ARMH4: variants seen among roughly 807,000 people sequenced by gnomAD.
ARMH4 encodes armadillo like helical domain containing 4.
ARMH4 carries 49 observed loss-of-function variants against 61.9 expected under a neutral mutation model. That is an observed-to-expected ratio of 0.79 (90% confidence interval 0.63 to 1.00). The LOEUF is 1.00. Among genes scored for constraint, ARMH4 ranks in the 50% least tolerant of loss-of-function variants. The pLI is 0.00. For missense variants in ARMH4, 934 were observed against 930.0 expected, an observed-to-expected ratio of 1.00 and a Z score of -0.06; for synonymous variants, 368 against 341.5, an observed-to-expected ratio of 1.08 and a Z score of -0.85.
chr14:58,122,022 G>GTATTAAGTATTTATACATCTCCA (rs1255979870), intron 4 of ARMH4, among the ~76,000 whole-genome samples: 11 of 152,188 alleles, frequency 7.2e-5, no homozygotes, highest in Non-Finnish European at 1.6e-4. Context: ...CATCTCCACT[G>GTATTAAGTATTTATACATCTCCA]TGTATCAGTT....
chr14:58,081,386 G>A (rs891648452), intron 5 of ARMH4, among the ~76,000 whole-genome samples: 4 of 152,220 alleles, frequency 2.6e-5, no homozygotes, highest in Non-Finnish European at 4.4e-5. Flanking sequence ...GATTGTGCTC[G>A]CTTGTACAAA....
intron 6 of ARMH4, among the ~76,000 whole-genome samples, chr14:58,011,237 T>C (rs1882395507): frequency 6.6e-6 from 1 of 152,166 alleles, no homozygotes; most frequent in African/African-American, 2.4e-5. Context: ...ATTAATACAA[T>C]TATATAAATT....
intron 5 of ARMH4, among the ~76,000 whole-genome samples, chr14:58,071,582 T>G (rs1884883714): frequency 6.6e-6 from 1 of 152,200 alleles, no homozygotes; most frequent in Non-Finnish European, 1.5e-5. Flanking sequence ...GAAGCTTTTT[T>G]TTTTAACTCA....
chr14:58,060,739 T>C (rs1884501759), intron 5 of ARMH4, among the ~76,000 whole-genome samples: 1 of 152,172 alleles, frequency 6.6e-6, no homozygotes, highest in South Asian at 2.1e-4. Flanking sequence ...TCAGAAGCAA[T>C]GAAAACCAGG....
chr14:58,132,529 G>C (rs1299092948), intron 3 of ARMH4, among the ~76,000 whole-genome samples: 1 of 150,670 alleles, frequency 6.6e-6, no homozygotes, highest in East Asian at 1.9e-4. Flanking sequence ...GGCCTTTGAG[G>C]ACCCAGAGGT....
intron 4 of ARMH4, among the ~76,000 whole-genome samples, chr14:58,114,631 G>C (rs1433456058): frequency 1.3e-5 from 2 of 152,170 alleles, no homozygotes; most frequent in African/African-American, 4.8e-5. Flanking sequence ...CGAGCTGAGT[G>C]AGAGTTTTTA....
chr14:58,132,923 A>G (rs1371641189), intron 3 of ARMH4, among the ~76,000 whole-genome samples, 167 bp downstream of exon 3: 1 of 152,006 alleles, frequency 6.6e-6, no homozygotes, highest in African/African-American at 2.4e-5. Flanking sequence ...ACCTCTTCAA[A>G]CAGGACAGAG....
At chr14:58,116,685 CAAAT>C (rs767474668) in intron 4 of ARMH4, among the ~76,000 whole-genome samples, 2 of 152,108 alleles carry the variant, frequency 1.3e-5, no homozygotes, top group East Asian at 1.9e-4. Flanking sequence ...CAACAATAAA[CAAAT>C]AAATAAATAA....
At chr14:58,090,888 A>T (rs1470654991) in intron 5 of ARMH4, among the ~76,000 whole-genome samples, 1 of 150,206 alleles carries the variant, frequency 6.7e-6, no homozygotes, top group Non-Finnish European at 1.5e-5. Context: ...TCAAAAAAAA[A>T]AAAAAAAGAA....
At chr14:58,137,384 TG>T (rs1887338748) in intron 2 of ARMH4, among the ~76,000 whole-genome samples, 1 of 152,110 alleles carries the variant, frequency 6.6e-6, no homozygotes, top group Admixed American at 6.5e-5. Flanking sequence ...GATTTAAATT[TG>T]GGTGTAATTT....
chr14:58,055,395 A>T (rs1178298116), intron 5 of ARMH4, among the ~76,000 whole-genome samples: 1 of 152,210 alleles, frequency 6.6e-6, no homozygotes, highest in Non-Finnish European at 1.5e-5. Flanking sequence ...GGAGTACACG[A>T]AAGTGTGCTA....
intron 3 of ARMH4, among the ~76,000 whole-genome samples, chr14:58,132,461 T>TCC (rs58728535): frequency 0.012 from 1,816 of 151,342 alleles, 43 homozygotes; most frequent in African/African-American, 0.04. Flanking sequence ...TTTCACCTCA[T>TCC]CCCCCCCGGC....
chr14:58,018,922 G>A (rs1255348250), intron 5 of ARMH4, among the ~76,000 whole-genome samples: 1 of 152,084 alleles, frequency 6.6e-6, no homozygotes, highest in Non-Finnish European at 1.5e-5. Flanking sequence ...TAAACACAGT[G>A]GAATATTATT....
At chr14:58,080,134 A>T (rs55957925) in intron 5 of ARMH4, among the ~76,000 whole-genome samples, 11,485 of 148,942 alleles carry the variant, frequency 0.077, 514 homozygotes, top group Middle Eastern at 0.15. Context: ...TATATATATA[A>T]AATTTTTTTT....
At chr14:58,133,703 A>G (rs1428476020) in intron 2 of ARMH4, among the ~76,000 whole-genome samples, 3 of 152,256 alleles carry the variant, frequency 2.0e-5, no homozygotes, top group Non-Finnish European at 4.4e-5. Context: ...AAAAACTCTC[A>G]GAAACATTTG....
At chr14:58,071,923 T>C (rs1310225391) in intron 5 of ARMH4, among the ~76,000 whole-genome samples, 1 of 152,224 alleles carries the variant, frequency 6.6e-6, no homozygotes, top group East Asian at 1.9e-4. Flanking sequence ...GGAATCCAGA[T>C]GCTGTCTTTC....
chr14:58,050,018 T>G (rs1246371935), intron 5 of ARMH4, among the ~76,000 whole-genome samples: 1 of 152,214 alleles, frequency 6.6e-6, no homozygotes, highest in Non-Finnish European at 1.5e-5. Flanking sequence ...GTCAAGATTT[T>G]TTTCTCCATC....
chr14:58,014,490 A>T (rs1449560074), intron 5 of ARMH4, among the ~76,000 whole-genome samples: 1 of 152,184 alleles, frequency 6.6e-6, no homozygotes, highest in Non-Finnish European at 1.5e-5. Flanking sequence ...GTCTTGCAAG[A>T]TTGTTGTGAA....
At chr14:58,071,153 G>A (rs1051911220) in intron 5 of ARMH4, among the ~76,000 whole-genome samples, 8 of 149,328 alleles carry the variant, frequency 5.4e-5, no homozygotes, top group East Asian at 1.9e-4. Flanking sequence ...TATAATATAC[G>A]TTATATATAT....
Sources: gnomAD v4.1 joint callset for allele counts (sites outside exome capture counted in the v4.1 genomes callset) on GRCh38, gnomAD v4.1.1 for gene constraint, MANE v1.5 for transcripts, NCBI Gene and HGNC (gene_info 2026-07-23, HGNC 2026-07-21) for gene names.